The following GRM8 variants were observed in gnomAD, a reference collection of about 807,000 sequenced individuals.
The protein encoded by GRM8 is glutamate metabotropic receptor 8, also known as metabotropic glutamate receptor 8.
In GRM8, 47 loss-of-function variants were observed where a neutral mutation model predicts 87.2. That is an observed-to-expected ratio of 0.54 (90% CI 0.43 to 0.69). The LOEUF (loss-of-function observed/expected upper bound fraction) is 0.69. Among genes scored for constraint, GRM8 ranks in the 30% least tolerant of loss-of-function variants. The pLI is 0.00. For missense variants in GRM8, 1,019 were observed against 1,139.2 expected (o/e 0.89, Z 1.52); for synonymous variants, 396 against 404.5 (o/e 0.98, Z 0.25).
intron 3 of GRM8, among the ~76,000 whole-genome samples, chr7:126,932,035 A>G (rs1026657907): frequency 6.6e-6 from 1 of 152,184 alleles, no homozygotes; most frequent in Non-Finnish European, 1.5e-5. Flanking sequence ...AAATTTTAAA[A>G]TAGCATCTTA....
chr7:126,805,123 C>T (rs570258018), intron 6 of GRM8, among the ~76,000 whole-genome samples: 1 of 152,126 alleles, frequency 6.6e-6, no homozygotes, highest in Non-Finnish European at 1.5e-5. Context: ...GAAAGCCAAA[C>T]CGTAACTCCT....
intron 9 of GRM8, among the ~76,000 whole-genome samples, chr7:126,475,845 T>C (rs913087596): frequency 1.9e-4 from 29 of 152,132 alleles, no homozygotes; most frequent in Admixed American, 1.8e-3. Context: ...TTACAAGGGT[T>C]CCAAAAATAT....
intron 2 of GRM8, among the ~76,000 whole-genome samples, chr7:127,109,859 A>C (rs541338275): frequency 1.3e-5 from 2 of 152,228 alleles, no homozygotes; most frequent in Admixed American, 6.5e-5. Flanking sequence ...TGTGCAGGCT[A>C]TTCTCCATTC....
In GRM8 at chr7:126,685,607, C is replaced by T. The variant is rs1324138761; in HGVS notation, c.1358-76109G>A. Among the ~76,000 whole-genome samples the T allele has an allele frequency of 6.6e-6, 1 of 152,132 alleles. No homozygotes were observed. The highest frequency in any genetic ancestry group is 2.4e-5 in the African/African-American group (1 of 41,454). ...TTGGGGCCAAGCCTGAGCACTGTTG[C>T]AGTTTGGCCAGGGGCATATGCTCAG... is the stretch of plus-strand genomic sequence containing the variant. On this transcript the variant is annotated intron_variant, in intron 7 of 10. Transcript: ENST00000339582. This position sits in a 1 kb window ranked among gnomAD's most constrained non-coding sequence, Gnocchi z 4.2.
chr7:127,101,568 G>T (rs1203396427), intron 3 of GRM8, among the ~76,000 whole-genome samples: 2 of 152,178 alleles, frequency 1.3e-5, no homozygotes, highest in Admixed American at 1.3e-4. Flanking sequence ...CTTTCACTAT[G>T]TGGTGTGCTT....
chr7:126,966,969 A>G (rs1809936365), intron 3 of GRM8, among the ~76,000 whole-genome samples: 1 of 152,220 alleles, frequency 6.6e-6, no homozygotes. Flanking sequence ...ACAATATTGT[A>G]ATGTCCCCTT....
At chr7:127,178,321 T>C (rs1166688243) in intron 2 of GRM8, among the ~76,000 whole-genome samples, 1 of 151,830 alleles carries the variant, frequency 6.6e-6, no homozygotes, top group African/African-American at 2.4e-5. Flanking sequence ...AATAAGAAAA[T>C]ATGAATAAAG....
Position 127,242,913 on chromosome 7 carries a change from G to C in GRM8, c.292C>G (p.Leu98Val), listed in dbSNP as rs1266676979. 2 of 1,614,128 alleles carry C rather than the reference G, an allele frequency of 1.2e-6. No individual in the cohort carries two copies. Among genetic ancestry groups the C allele is most frequent in the Non-Finnish European group, 1.7e-6 (2 of 1,179,982 alleles). ...KDPDLLSNIT[L>V]GVRILDTCSR... ...CACGTGTCGAGGATGCGGACACCCAGAGTGATGTTGGAAAGGAGATCAGGG... is the reference window on the plus strand; with the variant it reads ...CACGTGTCGAGGATGCGGACACCCACAGTGATGTTGGAAAGGAGATCAGGG... Residue 98 changes from leucine (L) to valine (V), a missense_variant, in exon 2 of 11, where the codon CTG becomes GTG. Coordinates refer to ENST00000339582, the MANE Select transcript of GRM8 (RefSeq NM_000845.3).
chr7:127,182,830 T>A (rs1794541702), intron 2 of GRM8, among the ~76,000 whole-genome samples: 1 of 151,718 alleles, frequency 6.6e-6, no homozygotes, highest in South Asian at 2.1e-4. Flanking sequence ...CTAACTAATA[T>A]GTCAGAGCTA....
At chr7:126,564,568 T>C (rs1794029030) in intron 8 of GRM8, among the ~76,000 whole-genome samples, 1 of 152,172 alleles carries the variant, frequency 6.6e-6, no homozygotes, top group South Asian at 2.1e-4. Context: ...CTTTAATTAG[T>C]GTGGAGATTA....
chr7:126,639,613 C>T (rs909389882), intron 7 of GRM8, among the ~76,000 whole-genome samples: 1 of 152,136 alleles, frequency 6.6e-6, no homozygotes, highest in African/African-American at 2.4e-5. Flanking sequence ...AAAGTTAGGA[C>T]ATTTCTTCCC....
intron 2 of GRM8, among the ~76,000 whole-genome samples, chr7:127,131,443 C>T (rs1827681493): frequency 1.3e-5 from 2 of 152,110 alleles, no homozygotes; most frequent in African/African-American, 2.4e-5. Flanking sequence ...GATATAAAGC[C>T]TCAATCAATT....
At chr7:126,734,192 T>C (rs1446151729) in intron 7 of GRM8, among the ~76,000 whole-genome samples, 1 of 151,912 alleles carries the variant, frequency 6.6e-6, no homozygotes, top group Non-Finnish European at 1.5e-5. Context: ...AATGTACACA[T>C]TGCTCCCCTG....
intron 6 of GRM8, among the ~76,000 whole-genome samples, chr7:126,775,950 C>T (rs1819426414): frequency 6.6e-6 from 1 of 152,100 alleles, no homozygotes; most frequent in African/African-American, 2.4e-5. Flanking sequence ...TCTCCAAATG[C>T]AGGCCTTTAT....
chr7:127,029,448 T>C (rs1383029703), intron 3 of GRM8, among the ~76,000 whole-genome samples: 1 of 152,140 alleles, frequency 6.6e-6, no homozygotes, highest in African/African-American at 2.4e-5. Flanking sequence ...AAGTCTCCCA[T>C]TATTATTGTG....
intron 6 of GRM8, among the ~76,000 whole-genome samples, chr7:126,792,385 GA>G (rs1333276337): frequency 6.6e-6 from 1 of 152,176 alleles, no homozygotes; most frequent in East Asian, 1.9e-4. Flanking sequence ...AAACTTATTA[GA>G]AAAGTAAATT....
chr7:127,169,143 G>A (rs1050020871), intron 2 of GRM8, among the ~76,000 whole-genome samples: 17 of 151,746 alleles, frequency 1.1e-4, no homozygotes, highest in African/African-American at 3.6e-4. Flanking sequence ...GAGACTGGCC[G>A]AAAGCTAGGC....
chr7:127,022,846 C>T (rs1004759053), intron 3 of GRM8, among the ~76,000 whole-genome samples: 1 of 152,028 alleles, frequency 6.6e-6, no homozygotes, highest in African/African-American at 2.4e-5. Context: ...AGTCCAAAAC[C>T]CAGTTCTCCC....
At chr7:127,078,262 T>TC (rs1205555585) in intron 3 of GRM8, among the ~76,000 whole-genome samples, 2 of 152,216 alleles carry the variant, frequency 1.3e-5, no homozygotes, top group Non-Finnish European at 2.9e-5. Context: ...TTTCCACTCC[T>TC]CCATCTGTGC....
Sources: allele counts gnomAD v4.1 joint callset (sites outside exome capture counted in the v4.1 genomes callset), GRCh38; gene constraint gnomAD v4.1.1; non-coding constraint Gnocchi (gnomAD v3.1); transcripts MANE v1.5; gene names NCBI Gene and HGNC (gene_info 2026-07-23, HGNC 2026-07-21).